DNAJC13: variants seen among roughly 807,000 people sequenced by gnomAD.
The protein encoded by DNAJC13 is DnaJ heat shock protein family (Hsp40) member C13.
DNAJC13 carries 75 observed loss-of-function variants against 290.5 expected under a neutral mutation model. The observed-to-expected ratio is 0.26, with a 90% CI of 0.21 to 0.31. DNAJC13 has a LOEUF of 0.31. Ranked by LOEUF, DNAJC13 falls within the 10% of genes least tolerant of loss-of-function variation. The pLI, the probability that DNAJC13 is intolerant of heterozygous loss-of-function variation, is 1.00. For missense variants in DNAJC13, 2,260 were observed against 2,674.5 expected, an observed-to-expected ratio of 0.85 and a Z score of 3.42; for synonymous variants, 862 against 892.0, an observed-to-expected ratio of 0.97 and a Z score of 0.60.
At chr3:132,423,400 C>T (rs561696916) in intron 1 of DNAJC13, among the ~76,000 whole-genome samples, 149 of 152,306 alleles carry the variant, frequency 9.8e-4, no homozygotes, top group Non-Finnish European at 1.8e-3. Flanking sequence ...TTCTGTAATA[C>T]ATTTAAACGC....
intron 5 of DNAJC13, among the ~76,000 whole-genome samples, chr3:132,448,696 C>G (rs2107662385): frequency 6.6e-6 from 1 of 152,280 alleles, no homozygotes; most frequent in Middle Eastern, 3.4e-3. Context: ...CACCATTCTC[C>G]TGTCTGTCTT....
In DNAJC13 at chr3:132,484,637, C is replaced by G. The variant is rs1216390576; in HGVS notation, c.3232C>G (p.Leu1078Val). 1 of 1,613,944 alleles carries G rather than the reference C, an allele frequency of 6.2e-7. No homozygotes were observed. Among genetic ancestry groups the G allele is most frequent in the African/African-American group, 1.3e-5 (1 of 74,914 alleles). The part of the protein sequence containing the change: ...IRPLPKVKRL[L>V]SDSTCLPHII... ...GCCTCTACCCAAAGTGAAAAGACTG[C>G]TGTCAGATAGCACTTGCCTTCCCCA... Residue 1078 changes from leucine to valine, a missense_variant, in exon 29 of 56, where the codon CTG (leucine) becomes GTG (valine). Leu to Val is a conservative substitution (Grantham distance 32, BLOSUM62 1). Transcript: ENST00000260818.
intron 43 of DNAJC13, 131 bp from the exon 44 acceptor site, chr3:132,510,936 A>C: frequency 1.0e-6 from 1 of 954,778 alleles, no homozygotes; most frequent in Non-Finnish European, 1.6e-6. Context: ...CCTATAGTGC[A>C]TAGGTGTATT....
chr3:132,455,312 A>G (rs1342114606), intron 9 of DNAJC13, among the ~76,000 whole-genome samples: 5 of 152,238 alleles, frequency 3.3e-5, no homozygotes, highest in Admixed American at 2.0e-4. Flanking sequence ...ATTCACTAAC[A>G]TGACTAACAT....
chr3:132,472,342 A>G (rs1217821166), intron 20 of DNAJC13, among the ~76,000 whole-genome samples: 1 of 152,228 alleles, frequency 6.6e-6, no homozygotes, highest in African/African-American at 2.4e-5. Context: ...GTATGTGCCT[A>G]TCTCTGAAAC....
At chr3:132,527,282 G>T (rs561653123) in intron 53 of DNAJC13, among the ~76,000 whole-genome samples, 74 of 152,248 alleles carry the variant, frequency 4.9e-4, no homozygotes, top group African/African-American at 1.8e-3. Context: ...ACCATTCAGT[G>T]GTTTCTCATT....
chr3:132,455,347 T>C (rs1483572575), intron 9 of DNAJC13, among the ~76,000 whole-genome samples: 1 of 152,180 alleles, frequency 6.6e-6, no homozygotes, highest in African/African-American at 2.4e-5. Flanking sequence ...GTGGCAGGTG[T>C]TGGCGAGGAT....
At chr3:132,471,848 G>A (rs1318137868) in intron 20 of DNAJC13, among the ~76,000 whole-genome samples, 1 of 147,530 alleles carries the variant, frequency 6.8e-6, no homozygotes, top group Non-Finnish European at 1.5e-5. Flanking sequence ...CGGGGTGGCG[G>A]CCGGGCAGAG....
intron 45 of DNAJC13, 54 bp from the exon 46 acceptor site, chr3:132,514,517 T>C: frequency 7.4e-7 from 1 of 1,346,844 alleles, no homozygotes; most frequent in Non-Finnish European, 1.0e-6. Flanking sequence ...CCTAATTTGA[T>C]TTAGGTTCAA....
At chr3:132,498,910 GT>G (rs1172988225) in intron 36 of DNAJC13, among the ~76,000 whole-genome samples, 1 of 151,912 alleles carries the variant, frequency 6.6e-6, no homozygotes, top group Non-Finnish European at 1.5e-5. Context: ...TAGAGAAAGG[GT>G]TTCACTGTGT....
At chr3:132,486,168 G>A (rs1241371482) in intron 29 of DNAJC13, among the ~76,000 whole-genome samples, 5 of 96,570 alleles carry the variant, frequency 5.2e-5, no homozygotes, top group Non-Finnish European at 1.0e-4. Flanking sequence ...TTTCTTTTGT[G>A]GACATTTCCA....
Position 132,475,000 on chromosome 3 carries a change from C to G in DNAJC13, c.2360C>G (p.Thr787Ser). The G allele has an allele frequency of 6.2e-7, 1 of 1,612,150 alleles. No homozygotes were observed. Among genetic ancestry groups the G allele is most frequent in the South Asian group, 1.1e-5 (1 of 90,950 alleles). ...NFKTREELKD[T>S]LESEMRAFNI... Reference sequence around the variant, plus strand: ...AAAACACGAGAAGAACTGAAAGATACTCTTGAATCTGAAATGAGAGCATTT... The same window carrying G: ...AAAACACGAGAAGAACTGAAAGATAGTCTTGAATCTGAAATGAGAGCATTT... Residue 787 changes from threonine to serine, a missense_variant, in exon 22 of 56, where the codon ACT becomes AGT. This residue lies in a region of DNAJC13 where 762 missense variants were observed against 964.1 expected (regional missense o/e 0.79). Transcript: ENST00000260818.
chr3:132,517,616 G>A (rs544315733), intron 48 of DNAJC13, among the ~76,000 whole-genome samples: 2 of 152,188 alleles, frequency 1.3e-5, no homozygotes, highest in South Asian at 4.1e-4. Context: ...TTCTTTTGAA[G>A]CCTATTCGGA....
intron 2 of DNAJC13, among the ~76,000 whole-genome samples, chr3:132,438,097 T>C (rs1032617067): frequency 6.6e-6 from 1 of 151,940 alleles, no homozygotes; most frequent in Non-Finnish European, 1.5e-5. Context: ...AGGCATTACA[T>C]TGAATCTGTA....
At chr3:132,509,376 T>C (rs1415912098) in intron 43 of DNAJC13, among the ~76,000 whole-genome samples, 1 of 152,164 alleles carries the variant, frequency 6.6e-6, no homozygotes, top group Non-Finnish European at 1.5e-5. Context: ...TGCTGCAATC[T>C]CATTATAAAA....
chr3:132,506,045 C>CTTTATTTTTTTTT (rs1935573980), intron 42 of DNAJC13, among the ~76,000 whole-genome samples: 1 of 72,646 alleles, frequency 1.4e-5, no homozygotes, highest in Non-Finnish European at 2.7e-5. Flanking sequence ...TGTACATTAT[C>CTTTATTTTTTTTT]TTTTTTTTTT....
At chr3:132,501,392 C>T (rs547115809) in intron 39 of DNAJC13, among the ~76,000 whole-genome samples, 7 of 151,942 alleles carry the variant, frequency 4.6e-5, no homozygotes, top group South Asian at 2.1e-4. Flanking sequence ...CCTAGGTATT[C>T]GGGAGGCTGA....
chr3:132,450,375 CAT>C (rs1933383254), intron 5 of DNAJC13, among the ~76,000 whole-genome samples: 1 of 151,986 alleles, frequency 6.6e-6, no homozygotes, highest in African/African-American at 2.4e-5. Flanking sequence ...TATAAATTTA[CAT>C]AGAGTGGCTT....
Position 132,480,619 on chromosome 3 carries a change from G to T in DNAJC13, c.2874+149G>T, listed in dbSNP as rs543656076. 1.5e-5 allele frequency: 9 copies of T among 587,218 alleles called. No individual in the cohort carries two copies. The African/African-American group carries it at 1.7e-4, about 11-fold the overall frequency. The allele number at this position is 587,218 out of a possible 1,614,324, so 36.4% of individuals were successfully genotyped here. ...ACTAGTTCTGAGATTTCACACAGAA[G>T]ATGTGAAACCACTGTAAGAACGATC... is the stretch of plus-strand genomic sequence containing the variant. On this transcript the variant is annotated intron_variant, in intron 26 of 55. Coordinates refer to ENST00000260818, the MANE Select transcript of DNAJC13 (RefSeq NM_015268.4).
Sources: allele counts gnomAD v4.1 joint callset (sites outside exome capture counted in the v4.1 genomes callset), GRCh38; gene constraint gnomAD v4.1.1; regional missense constraint gnomAD v4.1.1; transcripts MANE v1.5; gene names NCBI Gene and HGNC (gene_info 2026-07-23, HGNC 2026-07-21).